The following NUP210 variants were observed in gnomAD, a reference collection of about 807,000 sequenced individuals.
NUP210 encodes the protein nuclear pore membrane glycoprotein 210.
NUP210 carries 151 observed loss-of-function variants against 196.0 expected under a neutral mutation model. The observed-to-expected ratio is 0.77, with a 90% CI of 0.67 to 0.88. NUP210 has a LOEUF of 0.88. Ranked by LOEUF, NUP210 falls within the 40% of genes least tolerant of loss-of-function variation. The pLI, the probability that NUP210 is intolerant of heterozygous loss-of-function variation, is 0.00. For synonymous variants in NUP210, 1,070 were observed against 1,052.7 expected (o/e 1.02, Z -0.32); for missense variants, 2,314 against 2,493.7 (o/e 0.93, Z 1.53).
chr3:13,341,766 T>TGAGTTGATTCTCTGTCCA lies in NUP210; in HGVS notation c.3192_3209dup (p.Gly1065_Ser1070dup). 1.2e-6 allele frequency: 2 copies of TGAGTTGATTCTCTGTCCA among 1,614,230 alleles called. No individual in the cohort carries two copies. On this transcript the variant is annotated inframe_insertion, in exon 23 of 40. Coordinates refer to ENST00000254508, the MANE Select transcript of NUP210 (RefSeq NM_024923.4). ...GTCTTACTTCAATCTGTTGTGGGGC[T>TGAGTTGATTCTCTGTCCA]GAGTTGATTCTCTGTCCAGCTTTAT... is the stretch of plus-strand genomic sequence containing the variant.
At chr3:13,365,915 G>T (rs944511630) in intron 14 of NUP210, 31 bp downstream of exon 14, 1 of 1,612,644 alleles carries the variant, frequency 6.2e-7, no homozygotes, top group Non-Finnish European at 8.5e-7. Context: ...AGTGGGCAGG[G>T]GGGTGGTAAA....
At chr3:13,339,674 G>A (rs1697378873) in intron 25 of NUP210, among the ~76,000 whole-genome samples, 180 bp downstream of exon 25, 1 of 152,254 alleles carries the variant, frequency 6.6e-6, no homozygotes, top group Non-Finnish European at 1.5e-5. Flanking sequence ...ACCAATGGGG[G>A]TCTGGGTGCT....
In NUP210 at chr3:13,379,114, C is replaced by A; in HGVS notation, c.977-134G>T. ...GAAGAGGGGATGAAAACTCCCCTGG[C>A]TTAGGCCACGTAGAGCAAAGGCACT... On this transcript the variant is annotated intron_variant, in intron 7 of 39. Coordinates refer to ENST00000254508, the MANE Select transcript of NUP210 (RefSeq NM_024923.4). This position sits in a 1 kb window ranked among gnomAD's most constrained non-coding sequence, Gnocchi z 4.2. 1 of 766,498 alleles carries A rather than the reference C, an allele frequency of 1.3e-6. No individual in the cohort carries two copies. Among genetic ancestry groups the A allele is most frequent in the Non-Finnish European group, 2.3e-6 (1 of 436,672 alleles). 47.5% of individuals were successfully genotyped at this position (766,498 alleles called of 1,614,324 possible).
intron 29 of NUP210, 57 bp from the exon 30 acceptor site, chr3:13,330,691 G>T: frequency 6.6e-7 from 1 of 1,505,904 alleles, no homozygotes; most frequent in Non-Finnish European, 9.1e-7. Flanking sequence ...AGTGGGCCTG[G>T]ATACAATGCC....
At chr3:13,351,723 C>G in intron 20 of NUP210, 156 bp downstream of exon 20, 1 of 609,372 alleles carries the variant, frequency 1.6e-6, no homozygotes, top group South Asian at 1.9e-5. Context: ...GTCTTGAACT[C>G]CTGGGCTCAA....
At chr3:13,415,601 G>A (rs1417953397) in intron 1 of NUP210, among the ~76,000 whole-genome samples, 1 of 152,200 alleles carries the variant, frequency 6.6e-6, no homozygotes, top group Non-Finnish European at 1.5e-5. Flanking sequence ...GCTCAGGGAA[G>A]GCCAAGTGAA....
intron 32 of NUP210, 128 bp from the exon 33 acceptor site, chr3:13,326,059 G>T: frequency 8.1e-7 from 1 of 1,233,468 alleles, no homozygotes; most frequent in Non-Finnish European, 1.1e-6. Context: ...TCACTCAGCA[G>T]CCTCAGGAGA....
rs549510435 is a variant in NUP210 at position 13,339,920 on chromosome 3, G to A, written c.3405C>T (p.Asn1135=). ...AGLVQGLAIG[N]GTVSGLVQAV... ...CCTGCACGAGCCCAGACACAGTGCC[G>A]TTCCCGATGGCGAGGCCCTGTACCA... Residue 1135 remains asparagine, a synonymous_variant, in exon 25 of 40, where the codon AAC becomes AAT. Coordinates refer to ENST00000254508, the MANE Select transcript of NUP210 (RefSeq NM_024923.4). The A allele has an allele frequency of 1.5e-4, 248 of 1,614,030 alleles. No homozygotes were observed. The South Asian group carries it at 2.4e-3, about 16-fold the overall frequency.
In NUP210 at chr3:13,374,138, TCA is replaced by T. The variant is rs1415199006; in HGVS notation, c.1432-267_1432-266del. On this transcript the variant is annotated intron_variant, in intron 11 of 39. Coordinates refer to ENST00000254508, the MANE Select transcript of NUP210 (RefSeq NM_024923.4). ...ACACCACGTACACCTACTCACCTGCTCACACTCATTTACTCTCATGCTCACAT... is the reference window on the plus strand; with the variant it reads ...ACACCACGTACACCTACTCACCTGCTCACTCATTTACTCTCATGCTCACAT... 9.2e-5 allele frequency among the ~76,000 whole-genome samples: 14 copies of T among 152,018 alleles called. No individual in the cohort carries two copies. In the South Asian group the frequency reaches 2.5e-3, roughly 27 times the overall value.
chr3:13,346,846 C>T (rs1697752957), intron 20 of NUP210, among the ~76,000 whole-genome samples: 1 of 152,226 alleles, frequency 6.6e-6, no homozygotes, highest in Non-Finnish European at 1.5e-5. Flanking sequence ...ATTACCCGCC[C>T]TCAAGGCAAG....
At position 13,379,669 on chromosome 3, in the gene NUP210, C is replaced by T. The variant is rs866697445; in HGVS notation, c.870G>A (p.Pro290=). 55 of 1,613,646 alleles carry T rather than the reference C, an allele frequency of 3.4e-5. No individual in the cohort carries two copies. Among genetic ancestry groups the T allele is most frequent in the East Asian group, 4.5e-5 (2 of 44,890 alleles). Residue 290 remains proline (P), a synonymous_variant, in exon 7 of 40, where the codon CCG becomes CCA. Transcript: ENST00000254508. This position sits in a 1 kb window ranked among gnomAD's most constrained non-coding sequence, Gnocchi z 4.2. ...GCCGGGCTGGGTCTCCTTCGGGGCC[C>T]GGGATGCTGTTCTGAAGCTGCAACT... ...QYELQLQNSI[P]GPEGDPARPV...
intron 26 of NUP210, 76 bp downstream of exon 26, chr3:13,337,761 G>T: frequency 2.2e-6 from 3 of 1,341,504 alleles, no homozygotes; most frequent in Non-Finnish European, 3.1e-6. Context: ...AGGTGGAGAA[G>T]CACTCTAACT....
At chr3:13,412,411 A>G (rs539577697) in intron 1 of NUP210, among the ~76,000 whole-genome samples, 1 of 151,762 alleles carries the variant, frequency 6.6e-6, no homozygotes, top group South Asian at 2.1e-4. Flanking sequence ...TTACTAAAAA[A>G]TTACTTTAAA....
chr3:13,319,674 C>T (rs1247216459), intron 37 of NUP210, 89 bp downstream of exon 37: 14 of 1,098,460 alleles, frequency 1.3e-5, no homozygotes, highest in African/African-American at 1.1e-4. Context: ...CCATTTCTTA[C>T]ACCTCAGGTT....
rs752571440 is a variant in NUP210 at position 13,371,909 on chromosome 3, C to T, written c.1711G>A (p.Val571Ile). 3.7e-6 allele frequency: 6 copies of T among 1,609,770 alleles called. No individual in the cohort carries two copies. The East Asian group carries it at 6.7e-5, about 18-fold the overall frequency. Residue 571 changes from valine (V) to isoleucine (I), a missense_variant, in exon 13 of 40, where the codon GTC becomes ATC. Physicochemically the swap from Val to Ile is conservative, Grantham distance 29. Transcript: ENST00000254508. ...AAGTGGGAGCAGTCGCTCAAGGTGA[C>T]CACCTCACTGGCCCCGCCGGGCATG... Reference protein sequence around the residue: ...GLMPGGASEVVTLSDCSHFDL... With the variant: ...GLMPGGASEVITLSDCSHFDL...
chr3:13,370,460 G>A (rs948262246), intron 13 of NUP210, among the ~76,000 whole-genome samples: 2 of 152,210 alleles, frequency 1.3e-5, no homozygotes, highest in African/African-American at 4.8e-5. Flanking sequence ...GGAGTGGAGT[G>A]GCTCAGACCC....
At chr3:13,364,566 C>T (rs1466108614) in intron 14 of NUP210, among the ~76,000 whole-genome samples, 1 of 152,156 alleles carries the variant, frequency 6.6e-6, no homozygotes, top group Non-Finnish European at 1.5e-5. Flanking sequence ...CGGTGGCTCA[C>T]GCCTGTAATC....
chr3:13,320,725 G>A (rs1454023200), intron 36 of NUP210, among the ~76,000 whole-genome samples: 4 of 147,568 alleles, frequency 2.7e-5, no homozygotes, highest in African/African-American at 7.5e-5. Context: ...GTGAAACCCC[G>A]TCTCTACTAA....
chr3:13,372,801 GC>G (rs1698776085), intron 12 of NUP210, among the ~76,000 whole-genome samples: 1 of 152,164 alleles, frequency 6.6e-6, no homozygotes, highest in African/African-American at 2.4e-5. Context: ...CCGCCAGCTG[GC>G]CCCGGAAGCC....
Sources: gnomAD v4.1 joint callset for allele counts (sites outside exome capture counted in the v4.1 genomes callset) on GRCh38, gnomAD v4.1.1 for gene constraint, Gnocchi (gnomAD v3.1) non-coding constraint, MANE v1.5 for transcripts, NCBI Gene and HGNC (gene_info 2026-07-23, HGNC 2026-07-21) for gene names.